The following DAPK2 variants were observed in gnomAD, a reference collection of about 807,000 sequenced individuals.
The protein encoded by DAPK2 is death associated protein kinase 2.
A neutral mutation model predicts 44.1 loss-of-function variants in DAPK2; 35 were observed. That is an observed-to-expected ratio of 0.79 (90% CI 0.61 to 1.05). The LOEUF (loss-of-function observed/expected upper bound fraction) is 1.05, where lower values mean the gene tolerates loss of function less well. DAPK2 is among the 50% of genes least tolerant of loss of function. The probability of loss-of-function intolerance (pLI) is 0.00; values close to 1 mark genes in which losing one functional copy is unlikely to be tolerated. For synonymous variants in DAPK2, 174 were observed against 182.6 expected, an observed-to-expected ratio of 0.95 and a Z score of 0.38; for missense variants, 453 against 483.2, an observed-to-expected ratio of 0.94 and a Z score of 0.59.
chr15:63,925,236 C>T (rs117664938), intron 7 of DAPK2, among the ~76,000 whole-genome samples: 4,828 of 152,272 alleles, frequency 0.032, 106 homozygotes, highest in South Asian at 0.073. Context: ...CTCTGCCTTT[C>T]GCTGCTCTGT....
At chr15:63,975,693 G>T (rs1471089059) in intron 2 of DAPK2, among the ~76,000 whole-genome samples, 1 of 151,912 alleles carries the variant, frequency 6.6e-6, no homozygotes, top group Non-Finnish European at 1.5e-5. Flanking sequence ...CCGCCTCCCA[G>T]GTTCAACTGA....
At chr15:63,985,231 C>T (rs1228605426) in intron 1 of DAPK2, among the ~76,000 whole-genome samples, 2 of 152,232 alleles carry the variant, frequency 1.3e-5, no homozygotes, top group Admixed American at 6.5e-5. Context: ...TATCTTACAT[C>T]GTCCACTGAC....
intron 3 of DAPK2, among the ~76,000 whole-genome samples, chr15:63,945,256 T>C (rs1369638436): frequency 6.6e-6 from 1 of 152,238 alleles, no homozygotes; most frequent in African/African-American, 2.4e-5. Flanking sequence ...AGTCCTAAGC[T>C]GTAGGCTGTC....
At chr15:63,961,468 C>T (rs1012589399) in intron 3 of DAPK2, among the ~76,000 whole-genome samples, 2 of 152,208 alleles carry the variant, frequency 1.3e-5, no homozygotes, top group South Asian at 4.1e-4. Context: ...CATGTTTTTG[C>T]AGTGGCTGGT....
chr15:63,961,786 T>C (rs1044998023), intron 3 of DAPK2, among the ~76,000 whole-genome samples: 2 of 152,172 alleles, frequency 1.3e-5, no homozygotes, highest in Non-Finnish European at 2.9e-5. Context: ...TTTTTTCCTT[T>C]ATTTCAACTT....
intron 3 of DAPK2, among the ~76,000 whole-genome samples, chr15:63,970,088 G>A (rs1378801269): frequency 6.6e-6 from 1 of 152,158 alleles, no homozygotes; most frequent in African/African-American, 2.4e-5. Context: ...TCCTAGCTGA[G>A]CCCCAGCCTC....
intron 1 of DAPK2, among the ~76,000 whole-genome samples, chr15:64,008,657 A>C (rs530038665): frequency 2.4e-4 from 36 of 152,230 alleles, no homozygotes; most frequent in Non-Finnish European, 3.8e-4. Flanking sequence ...TTATAAAATA[A>C]TAAGTGAACA....
chr15:64,011,421 C>T (rs2079386695), intron 1 of DAPK2, among the ~76,000 whole-genome samples: 1 of 152,116 alleles, frequency 6.6e-6, no homozygotes, highest in South Asian at 2.1e-4. Flanking sequence ...ATTAGCCAGG[C>T]ATGGTGGCGG....
At chr15:64,021,671 A>T (rs2079686707) in intron 1 of DAPK2, among the ~76,000 whole-genome samples, 1 of 152,216 alleles carries the variant, frequency 6.6e-6, no homozygotes, top group African/African-American at 2.4e-5. Flanking sequence ...TCTACTTTGG[A>T]GTAATTGTGT....
At chr15:64,016,477 C>T (rs1567275346) in intron 1 of DAPK2, among the ~76,000 whole-genome samples, 1 of 152,154 alleles carries the variant, frequency 6.6e-6, no homozygotes, top group Non-Finnish European at 1.5e-5. Context: ...TAATCGCTGC[C>T]TTGCAAGGTT....
At chr15:64,023,661 G>A (rs545164317) in intron 1 of DAPK2, among the ~76,000 whole-genome samples, 1 of 152,278 alleles carries the variant, frequency 6.6e-6, no homozygotes, top group South Asian at 2.1e-4. Flanking sequence ...TGATGCCAGG[G>A]CCTCACTGCA....
At chr15:64,030,384 G>T (rs1200941148) in intron 1 of DAPK2, among the ~76,000 whole-genome samples, 1 of 152,148 alleles carries the variant, frequency 6.6e-6, no homozygotes, top group Non-Finnish European at 1.5e-5. Context: ...TGACAGGGCT[G>T]CTGGCTCCCC....
intron 3 of DAPK2, among the ~76,000 whole-genome samples, chr15:63,953,941 T>A (rs2077656153): frequency 6.6e-6 from 1 of 152,230 alleles, no homozygotes; most frequent in African/African-American, 2.4e-5. Flanking sequence ...TCTATTCAGA[T>A]CTTTTGCCCA....
chr15:64,018,092 C>T (rs2079580736), intron 1 of DAPK2, among the ~76,000 whole-genome samples: 1 of 152,184 alleles, frequency 6.6e-6, no homozygotes, highest in Non-Finnish European at 1.5e-5. Context: ...CACAATTTGG[C>T]CTCTCCCCCA....
At chr15:63,915,350 T>G (rs2078899557) in intron 8 of DAPK2, among the ~76,000 whole-genome samples, 1 of 152,178 alleles carries the variant, frequency 6.6e-6, no homozygotes, top group Non-Finnish European at 1.5e-5. Context: ...CCCCAACCCA[T>G]CAACCATTTC....
chr15:64,028,153 G>T (rs985453380), intron 1 of DAPK2, among the ~76,000 whole-genome samples: 1 of 152,142 alleles, frequency 6.6e-6, no homozygotes, highest in African/African-American at 2.4e-5. Flanking sequence ...CCACCTCTGC[G>T]GTTCAAGTGA....
intron 1 of DAPK2, among the ~76,000 whole-genome samples, chr15:64,014,584 A>G (rs755800859): frequency 1.4e-4 from 22 of 152,240 alleles, no homozygotes; most frequent in Non-Finnish European, 2.9e-4. Context: ...CTAACTGGAA[A>G]AACAAGGCCT....
upstream of DAPK2, among the ~76,000 whole-genome samples, chr15:64,043,887 C>A (rs536828244): frequency 1.0e-3 from 159 of 152,306 alleles, 2 homozygotes; most frequent in South Asian, 2.5e-3. Context: ...ACACAGTAGG[C>A]ACTATATAAG....
intron 3 of DAPK2, among the ~76,000 whole-genome samples, chr15:63,960,681 C>A (rs145159458): frequency 5.9e-5 from 9 of 151,970 alleles, no homozygotes; most frequent in Admixed American, 5.2e-4. Flanking sequence ...TTCTTAATCC[C>A]GAGTTATAGT....
Sources: allele counts gnomAD v4.1 joint callset (sites outside exome capture counted in the v4.1 genomes callset), GRCh38; gene constraint gnomAD v4.1.1; transcripts MANE v1.5; gene names NCBI Gene and HGNC (gene_info 2026-07-23, HGNC 2026-07-21).